The following TENM2 variants were observed in gnomAD, a reference collection of about 807,000 sequenced individuals.
TENM2 encodes the protein teneurin transmembrane protein 2.
In TENM2, 52 loss-of-function variants were observed where a neutral mutation model predicts 245.2. The ratio of observed to expected loss-of-function variants is 0.21; its 90% confidence interval spans 0.17 to 0.27. The LOEUF is 0.27. Among genes scored for constraint, TENM2 ranks in the 10% least tolerant of loss-of-function variants. TENM2 has a pLI of 1.00. For synonymous variants in TENM2, 1,363 were observed against 1,438.9 expected, an observed-to-expected ratio of 0.95 and a Z score of 1.19; for missense variants, 3,046 against 3,666.8, an observed-to-expected ratio of 0.83 and a Z score of 4.37.
At chr5:167,049,844 C>T in the TENM2 span, among the ~76,000 whole-genome samples, 5 of 151,938 alleles carry the variant, frequency 3.3e-5, no homozygotes, top group Admixed American at 6.6e-5. Flanking sequence ...TTTCAGTCTC[C>T]GTTGTACCAG....
chr5:168,179,090 G>C (rs906035381), intron 13 of TENM2, among the ~76,000 whole-genome samples: 1 of 143,854 alleles, frequency 7.0e-6, no homozygotes, highest in South Asian at 2.2e-4. Flanking sequence ...AGTCGAGATC[G>C]AGCCACTGCA....
At chr5:167,404,540 C>A (rs1453260921) in intron 2 of TENM2, among the ~76,000 whole-genome samples, 1 of 152,084 alleles carries the variant, frequency 6.6e-6, no homozygotes, top group Non-Finnish European at 1.5e-5. Flanking sequence ...TAACCACATT[C>A]ATCAGTAAGG....
intron 2 of TENM2, among the ~76,000 whole-genome samples, chr5:167,657,855 C>G (rs1057345200): frequency 2.0e-5 from 3 of 152,146 alleles, no homozygotes; most frequent in African/African-American, 7.2e-5. Context: ...TTTGCCAGTC[C>G]CTGATCTAGC....
the TENM2 span, among the ~76,000 whole-genome samples, chr5:167,002,694 G>T: frequency 6.6e-6 from 1 of 151,612 alleles, no homozygotes; most frequent in Non-Finnish European, 1.5e-5. Flanking sequence ...TGTTCTTCGA[G>T]CCCAGGAGTT....
chr5:167,972,189 A>C (rs557526747), intron 4 of TENM2, among the ~76,000 whole-genome samples: 3 of 152,366 alleles, frequency 2.0e-5, no homozygotes, highest in Admixed American at 2.0e-4. Context: ...AATGGAAAGG[A>C]ATATTCCCTG....
intron 2 of TENM2, among the ~76,000 whole-genome samples, chr5:167,640,870 T>TATATATATATATATATCC (rs1779534934): frequency 2.5e-5 from 1 of 40,414 alleles, no homozygotes; most frequent in African/African-American, 2.6e-4. Context: ...CATATATATA[T>TATATATATATATATATCC]ATATATATAT....
intron 5 of TENM2, among the ~76,000 whole-genome samples, chr5:168,000,531 T>A (rs1251289760): frequency 6.6e-6 from 1 of 152,202 alleles, no homozygotes; most frequent in African/African-American, 2.4e-5. Flanking sequence ...AATTCCTACT[T>A]TGTAAACATG....
At chr5:168,028,026 C>T (rs185253815) in intron 5 of TENM2, among the ~76,000 whole-genome samples, 2 of 152,310 alleles carry the variant, frequency 1.3e-5, no homozygotes, top group East Asian at 3.9e-4. Flanking sequence ...ACACCACTGG[C>T]ACAAATGGAG....
chr5:168,025,025 C>G (rs1786476641), intron 5 of TENM2, among the ~76,000 whole-genome samples: 1 of 152,176 alleles, frequency 6.6e-6, no homozygotes. Context: ...ATTTCAGATT[C>G]GTAAGGCCCT....
chr5:167,672,169 A>G (rs898555104), intron 2 of TENM2, among the ~76,000 whole-genome samples: 2 of 152,084 alleles, frequency 1.3e-5, no homozygotes, highest in African/African-American at 4.8e-5. Context: ...GGGCATCAAC[A>G]AAACAAAAGA....
At chr5:167,031,336 A>G in the TENM2 span, among the ~76,000 whole-genome samples, 2 of 152,206 alleles carry the variant, frequency 1.3e-5, no homozygotes, top group South Asian at 4.1e-4. Context: ...GAAGTTTCAT[A>G]TTATTTTTTA....
chr5:168,158,807 A>G (rs1425717876), intron 12 of TENM2, among the ~76,000 whole-genome samples: 1 of 80,464 alleles, frequency 1.2e-5, no homozygotes, highest in African/African-American at 6.2e-5. Context: ...TAAAAAAAAA[A>G]TGTGTGTGTG....
intron 2 of TENM2, among the ~76,000 whole-genome samples, chr5:167,598,544 A>G (rs970977932): frequency 3.9e-5 from 6 of 152,240 alleles, no homozygotes; most frequent in African/African-American, 1.2e-4. Flanking sequence ...TCTAGAGAAG[A>G]AGGGTATTAC....
chr5:167,442,599 T>A (rs951082331), intron 2 of TENM2, among the ~76,000 whole-genome samples: 8 of 152,166 alleles, frequency 5.3e-5, no homozygotes, highest in African/African-American at 1.7e-4. Context: ...AAAAATCCTT[T>A]TAACTAGTAT....
intron 2 of TENM2, among the ~76,000 whole-genome samples, chr5:167,728,467 C>T (rs1034686990): frequency 3.4e-5 from 5 of 148,270 alleles, no homozygotes; most frequent in Non-Finnish European, 3.0e-5. Flanking sequence ...AAAAAATTAA[C>T]GGCATGGTGG....
At chr5:166,987,108 G>A in the TENM2 span, among the ~76,000 whole-genome samples, 1 of 152,058 alleles carries the variant, frequency 6.6e-6, no homozygotes, top group Non-Finnish European at 1.5e-5. Context: ...GTATATGAGG[G>A]GCACTGGTTC....
At chr5:168,243,324 T>C (rs1241165627) in intron 25 of TENM2, among the ~76,000 whole-genome samples, 1 of 152,210 alleles carries the variant, frequency 6.6e-6, no homozygotes, top group Non-Finnish European at 1.5e-5. Context: ...AAATAAATAT[T>C]AAATTATGTC....
chr5:167,002,509 ATAAT>A, the TENM2 span, among the ~76,000 whole-genome samples: 4 of 152,114 alleles, frequency 2.6e-5, no homozygotes, highest in African/African-American at 7.2e-5. Flanking sequence ...AAATCTGTTA[ATAAT>A]TAATGAATAG....
At chr5:168,184,759 T>G (rs1760238497) in intron 13 of TENM2, among the ~76,000 whole-genome samples, 1 of 152,204 alleles carries the variant, frequency 6.6e-6, no homozygotes, top group African/African-American at 2.4e-5. Flanking sequence ...CAGGGCCTCC[T>G]TCCTCCTGAG....
Sources: allele counts gnomAD v4.1 joint callset (sites outside exome capture counted in the v4.1 genomes callset), GRCh38; gene constraint gnomAD v4.1.1; transcripts MANE v1.5; gene names NCBI Gene and HGNC (gene_info 2026-07-23, HGNC 2026-07-21).